The following CLCNKB variants were observed in gnomAD, a reference collection of about 807,000 sequenced individuals.
The protein encoded by CLCNKB is chloride channel protein ClC-Kb.
A neutral mutation model predicts 83.8 loss-of-function variants in CLCNKB; 74 were observed. That is an observed-to-expected ratio of 0.88 (90% confidence interval 0.73 to 1.07). The LOEUF is 1.07. Ranked by LOEUF, CLCNKB falls within the 50% of genes least tolerant of loss-of-function variation. The pLI is 0.00. For synonymous variants in CLCNKB, 358 were observed against 356.6 expected (o/e 1.00, Z -0.04); for missense variants, 798 against 893.6 (o/e 0.89, Z 1.36).
intron 15 of CLCNKB, among the ~76,000 whole-genome samples, chr1:16,053,131 G>C (rs1385128712): frequency 6.6e-6 from 1 of 151,936 alleles, no homozygotes; most frequent in Non-Finnish European, 1.5e-5. Flanking sequence ...CCAGGTTCAA[G>C]CAATTCTTCT....
chr1:16,048,882 A>C (rs2023188607), intron 7 of CLCNKB: 2 of 1,443,334 alleles, frequency 1.4e-6, no homozygotes, highest in Middle Eastern at 2.6e-4. Context: ...TGGAGATCGC[A>C]ACCGTCCCCA....
intron 2 of CLCNKB, 146 bp from the exon 3 acceptor site, chr1:16,045,412 G>C (rs1178804776): frequency 2.5e-5 from 23 of 919,252 alleles, no homozygotes; most frequent in African/African-American, 8.2e-5. Flanking sequence ...TGTGAGGCAG[G>C]GCCCCCTCGG....
In CLCNKB at chr1:16,055,660, C is replaced by A; in HGVS notation, c.1846-15C>A. 1.9e-6 allele frequency: 3 copies of A among 1,613,620 alleles called. No individual in the cohort carries two copies. Among genetic ancestry groups the A allele is most frequent in the Non-Finnish European group, 2.5e-6 (3 of 1,179,864 alleles). ...GGAGGCCAGCCCTGCACCTGTAACCCTTCCCCACCCCCAGCAGTGTCTCCA... is the reference window on the plus strand; with the variant it reads ...GGAGGCCAGCCCTGCACCTGTAACCATTCCCCACCCCCAGCAGTGTCTCCA... On this transcript the variant is annotated splice_polypyrimidine_tract_variant and intron_variant, in intron 17 of 19. Coordinates refer to ENST00000375679, the MANE Select transcript of CLCNKB (RefSeq NM_000085.5).
In CLCNKB at chr1:16,044,584, G is replaced by C. The variant is rs771963940; in HGVS notation, c.92G>C (p.Gly31Ala). 5.6e-6 allele frequency: 9 copies of C among 1,599,708 alleles called. No homozygotes were observed. The highest frequency in any genetic ancestry group is 2.3e-5 in the South Asian group (2 of 87,878). The change falls in exon 2 of 20, where the codon GGC (glycine) becomes GCC (alanine). Residue 31 changes from glycine to alanine, a missense_variant. Coordinates refer to ENST00000375679, the MANE Select transcript of CLCNKB (RefSeq NM_000085.5). ...GGCCCCTGTCCCCGCATCCGCCGAG[G>C]CATCCGAGGTGAGAGCCAGGTCCTC... ...LWGPCPRIRR[G>A]IRGGLEWLKQ...
In CLCNKB at chr1:16,049,610, T is replaced by G. The variant is rs756049457; in HGVS notation, c.782-8T>G. The G allele has an allele frequency of 6.6e-5, 105 of 1,595,934 alleles. No homozygotes were observed. Among genetic ancestry groups the G allele is most frequent in the Non-Finnish European group, 8.4e-5 (98 of 1,168,108 alleles). ...CCATCTTGGCTCCCCACTGCCCTCCTTCCCCAGAGACCATCACCTCCCTCT... is the reference window on the plus strand; with the variant it reads ...CCATCTTGGCTCCCCACTGCCCTCCGTCCCCAGAGACCATCACCTCCCTCT... On this transcript the variant is annotated splice_polypyrimidine_tract_variant and splice_region_variant and intron_variant, in intron 8 of 19. Transcript: ENST00000375679.
chr1:16,051,790 C>G lies in CLCNKB; in HGVS notation c.1378C>G (p.Pro460Ala), dbSNP rs2023304054. ...CATCGTGGCTGGAGGGATCACCAAT[C>G]CCATCATGCCAGGGGGGTATGCTCT... is the stretch of plus-strand genomic sequence containing the variant. ...EGIVAGGITN[P>A]IMPGGYALAG... The change falls in exon 14 of 20, where the codon CCC becomes GCC. Residue 460 changes from proline to alanine, a missense_variant. Coordinates refer to ENST00000375679, the MANE Select transcript of CLCNKB (RefSeq NM_000085.5). The G allele has an allele frequency of 8.1e-6, 13 of 1,613,648 alleles. No homozygotes were observed. The highest frequency in any genetic ancestry group is 1.1e-5 in the Non-Finnish European group (13 of 1,179,858).
In CLCNKB at chr1:16,052,232, C is replaced by A. The variant is rs752653158; in HGVS notation, c.1443C>A (p.Thr481=). 39 of 1,613,128 alleles carry A rather than the reference C, an allele frequency of 2.4e-5. No individual in the cohort carries two copies. The highest frequency in any genetic ancestry group is 3.3e-5 in the Non-Finnish European group (39 of 1,180,024). ...AAAFSGAVTH[T]ISTALLAFEV... ...CCTTCTCAGGGGCTGTGACCCACAC[C>A]ATCTCCACGGCGCTGCTGGCCTTCG... Residue 481 remains threonine, a synonymous_variant, in exon 15 of 20, where the codon ACC becomes ACA. Coordinates refer to ENST00000375679, the MANE Select transcript of CLCNKB (RefSeq NM_000085.5).
Position 16,049,828 on chromosome 1 carries a change from A to G in CLCNKB, c.880A>G (p.Ile294Val), listed in dbSNP as rs1036765449. Residue 294 changes from isoleucine (I) to valine (V), a missense_variant, in exon 10 of 20, where the codon ATC becomes GTC. Coordinates refer to ENST00000375679, the MANE Select transcript of CLCNKB (RefSeq NM_000085.5). ...CATGCTCCCCAGGGGTCTCTGTGGC[A>G]TCCTGGGCAGCGCTTACCTCTTCTG... ...FFVALGGLCG[I>V]LGSAYLFCQR... 28 of 1,613,612 alleles carry G rather than the reference A, an allele frequency of 1.7e-5. No individual in the cohort carries two copies. The highest frequency in any genetic ancestry group is 2.2e-5 in the Non-Finnish European group (26 of 1,179,862).
Position 16,051,616 on chromosome 1 carries a change from C to A in CLCNKB, c.1297+69C>A, listed in dbSNP as rs572148719. 1.3e-3 allele frequency: 2,055 copies of A among 1,606,962 alleles called. 1 individual carries two copies. Among genetic ancestry groups the A allele is most frequent in the Non-Finnish European group, 1.5e-3 (1,706 of 1,173,614 alleles). On this transcript the variant is annotated intron_variant, in intron 13 of 19. Coordinates refer to ENST00000375679, the MANE Select transcript of CLCNKB (RefSeq NM_000085.5). ...GGGCAGGACCATGGCTCCTGGTTCA[C>A]CCTCCCCAGGTTGTACTGAGGACGG...
chr1:16,049,856 A>G lies in CLCNKB; in HGVS notation c.908A>G (p.Gln303Arg), dbSNP rs546971062. 1 of 1,613,754 alleles carries G rather than the reference A, an allele frequency of 6.2e-7. No individual in the cohort carries two copies. ...CTGGGCAGCGCTTACCTCTTCTGTC[A>G]GCGAATCTTCTTTGGCTTCATCAGG... ...GILGSAYLFC[Q>R]RIFFGFIRNN... The change falls in exon 10 of 20, where the codon CAG becomes CGG. Residue 303 changes from glutamine to arginine, a missense_variant. Coordinates refer to ENST00000375679, the MANE Select transcript of CLCNKB (RefSeq NM_000085.5).
chr1:16,053,194 A>AT (rs1364493894), intron 15 of CLCNKB, among the ~76,000 whole-genome samples: 1 of 152,018 alleles, frequency 6.6e-6, no homozygotes, highest in Non-Finnish European at 1.5e-5. Flanking sequence ...TGCCCAGATT[A>AT]TTTTTGTAAT....
At chr1:16,052,137 C>T in intron 14 of CLCNKB, 61 bp from the exon 15 acceptor site, 1 of 1,602,824 alleles carries the variant, frequency 6.2e-7, no homozygotes. Context: ...CCGTGCCAGC[C>T]TTGCCCTAAC....
chr1:16,044,652 C>G (rs1037234777), intron 2 of CLCNKB, 60 bp downstream of exon 2: 2 of 1,376,982 alleles, frequency 1.5e-6, no homozygotes, highest in African/African-American at 2.8e-5. Context: ...CATTCCTGCC[C>G]AGCTCCCACC....
In CLCNKB at chr1:16,050,449, C is replaced by T. The variant is rs911001307; in HGVS notation, c.969-67C>T. On this transcript the variant is annotated intron_variant, in intron 10 of 19. Transcript: ENST00000375679. ...CTCCCCAGTCCTTGCCTTGCTAGGC[C>T]CTGCTTCCCTCTCCTTGGGATGTGG... 297 of 1,549,232 alleles carry T rather than the reference C, an allele frequency of 1.9e-4. 1 individual carries two copies. The highest frequency in any genetic ancestry group is 2.4e-4 in the Non-Finnish European group (266 of 1,122,082).
Position 16,044,553 on chromosome 1 carries a change from C to A in CLCNKB, c.61C>A (p.Leu21Met). ...SSGNPVTLQE[L>M]WGPCPRIRRG... ...AGGGAACCCTGTGACTCTGCAGGAG[C>A]TGTGGGGCCCCTGTCCCCGCATCCG... Residue 21 changes from leucine (L) to methionine (M), a missense_variant, in exon 2 of 20, where the codon CTG (leucine) becomes ATG (methionine). Leu to Met is a conservative substitution (Grantham distance 15, BLOSUM62 2). Coordinates refer to ENST00000375679, the MANE Select transcript of CLCNKB (RefSeq NM_000085.5). 1 of 1,606,536 alleles carries A rather than the reference C, an allele frequency of 6.2e-7. No homozygotes were observed. The highest frequency in any genetic ancestry group is 8.5e-7 in the Non-Finnish European group (1 of 1,177,314).
rs572224950 is a variant in CLCNKB at position 16,045,773 on chromosome 1, G to A, written c.229+87G>A. On this transcript the variant is annotated intron_variant, in intron 3 of 19. Transcript: ENST00000375679. Reference sequence around the variant, plus strand: ...CCAGGTGGATGTCGCCAGGTGCAGCGGAGGTTGGGGGGGGTGCTCTGGGTG... The same window carrying A: ...CCAGGTGGATGTCGCCAGGTGCAGCAGAGGTTGGGGGGGGTGCTCTGGGTG... 1.7e-3 allele frequency: 2,302 copies of A among 1,321,406 alleles called. 11 individuals are homozygous for A. The highest frequency in any genetic ancestry group is 1.9e-3 in the Non-Finnish European group (1,847 of 954,176). The allele number at this position is 1,321,406 out of a possible 1,614,324, so 81.9% of individuals were successfully genotyped here.
chr1:16,049,386 TGGGAGGATGGA>T, intron 8 of CLCNKB, 141 bp downstream of exon 8: 1 of 1,520,588 alleles, frequency 6.6e-7, no homozygotes, highest in Non-Finnish European at 8.8e-7. Context: ...CACCTCCTTC[TGGGAGGATGGA>T]GGGGGCTGAC....
At chr1:16,047,718 A>G (rs1461373309) in intron 4 of CLCNKB, among the ~76,000 whole-genome samples, 187 bp from the exon 5 acceptor site, 2 of 152,126 alleles carry the variant, frequency 1.3e-5, no homozygotes, top group Non-Finnish European at 2.9e-5. Context: ...GCTGTAAGCT[A>G]TGATCCTACC....
In CLCNKB at chr1:16,051,995, C is replaced by T. The variant is rs35345754; in HGVS notation, c.1408+175C>T. Reference sequence around the variant, plus strand: ...CCACCATTCCCCGGGGCCCATCACTCCCTCGTGGCTCCTGTCCCCAGCCCT... The same window carrying T: ...CCACCATTCCCCGGGGCCCATCACTTCCTCGTGGCTCCTGTCCCCAGCCCT... On this transcript the variant is annotated intron_variant, in intron 14 of 19. Coordinates refer to ENST00000375679, the MANE Select transcript of CLCNKB (RefSeq NM_000085.5). 5.4e-3 allele frequency among the ~76,000 whole-genome samples: 805 copies of T among 147,886 alleles called. 10 individuals carry two copies. The highest frequency in any genetic ancestry group is 0.018 in the African/African-American group (716 of 38,996).
Sources: gnomAD v4.1 joint callset for allele counts (sites outside exome capture counted in the v4.1 genomes callset) on GRCh38, gnomAD v4.1.1 for gene constraint, MANE v1.5 for transcripts, NCBI Gene and HGNC (gene_info 2026-07-23, HGNC 2026-07-21) for gene names.